ANK3: variants seen among roughly 807,000 people sequenced by gnomAD.
ANK3 encodes the protein ankyrin 3, also known as ankyrin-3.
A neutral mutation model predicts 370.9 loss-of-function variants in ANK3; 57 were observed. That is an observed-to-expected ratio of 0.15 (90% confidence interval 0.12 to 0.19). ANK3 has a LOEUF of 0.19. ANK3 is among the 10% of genes least tolerant of loss of function. ANK3 has a pLI of 1.00. For synonymous variants in ANK3, 1,929 were observed against 1,946.3 expected (o/e 0.99, Z 0.23); for missense variants, 4,439 against 5,302.1 (o/e 0.84, Z 5.06).
chr10:60,328,115 C>T (rs1251015656), intron 1 of ANK3, among the ~76,000 whole-genome samples: 1 of 152,206 alleles, frequency 6.6e-6, no homozygotes, highest in Admixed American at 6.5e-5. Context: ...GCTTGATTCA[C>T]TTAAACTAGA....
chr10:60,684,429 G>T, intron 1 of ANK3: 3 of 802,898 alleles, frequency 3.7e-6, no homozygotes, highest in East Asian at 3.1e-5. Flanking sequence ...TCTTATAGTT[G>T]GATCACCTAC....
intron 1 of ANK3, among the ~76,000 whole-genome samples, chr10:60,680,691 C>A (rs907546987): frequency 6.6e-6 from 1 of 152,110 alleles, no homozygotes; most frequent in South Asian, 2.1e-4. Context: ...GTCTTGATGG[C>A]GCCTCAAACT....
At chr10:60,301,136 A>G (rs1434444787) in intron 1 of ANK3, among the ~76,000 whole-genome samples, 2 of 148,004 alleles carry the variant, frequency 1.4e-5, no homozygotes, top group Non-Finnish European at 3.0e-5. Context: ...ATATATATAT[A>G]TATATATATG....
intron 1 of ANK3, among the ~76,000 whole-genome samples, chr10:60,731,821 C>T (rs1343530994): frequency 6.6e-6 from 1 of 152,176 alleles, no homozygotes; most frequent in Non-Finnish European, 1.5e-5. Context: ...CCATGTAACC[C>T]CAGGATGACT....
At chr10:60,698,942 T>C (rs1370178111) in intron 1 of ANK3, among the ~76,000 whole-genome samples, 1 of 150,612 alleles carries the variant, frequency 6.6e-6, no homozygotes, top group Admixed American at 6.6e-5. Flanking sequence ...AATAAATAAA[T>C]AAAACAGACT....
Position 60,076,342 on chromosome 10 carries a change from C to T in ANK3, c.4539G>A (p.Val1513=). Residue 1513 remains valine (V), a synonymous_variant, in exon 37 of 44, where the codon GTG becomes GTA. Transcript: ENST00000280772. ...YQSWTTAPIT[V]PGPAKSGFTS... is the part of the protein sequence containing the mutation. ...TGAAGCCTGACTTGGCTGGCCCAGG[C>T]ACTGTAATCGGAGCTGTTGTCCAGG... 1.2e-6 allele frequency: 2 copies of T among 1,614,018 alleles called. No individual in the cohort carries two copies. Among genetic ancestry groups the T allele is most frequent in the Non-Finnish European group, 1.7e-6 (2 of 1,179,972 alleles).
intron 2 of ANK3, among the ~76,000 whole-genome samples, chr10:60,448,100 G>A (rs1800478339): frequency 6.6e-6 from 1 of 152,236 alleles, no homozygotes; most frequent in African/African-American, 2.4e-5. Flanking sequence ...TCATACACCT[G>A]AGAATCCAGA....
At chr10:60,425,474 C>T (rs990844677) in intron 2 of ANK3, among the ~76,000 whole-genome samples, 2 of 152,080 alleles carry the variant, frequency 1.3e-5, no homozygotes, top group Admixed American at 1.3e-4. Context: ...GCAGTTATGG[C>T]CATTAGTAAG....
intron 1 of ANK3, among the ~76,000 whole-genome samples, chr10:60,640,142 A>G (rs563762771): frequency 1.3e-5 from 2 of 152,182 alleles, no homozygotes; most frequent in African/African-American, 4.8e-5. Flanking sequence ...TGTGGCAATA[A>G]TCAATAGCTT....
intron 2 of ANK3, among the ~76,000 whole-genome samples, chr10:60,452,452 AC>A (rs771139323): frequency 6.6e-6 from 1 of 152,156 alleles, no homozygotes; most frequent in African/African-American, 2.4e-5. Context: ...GCCTGGCCAT[AC>A]CCTTTTAGTA....
At chr10:60,238,882 A>G (rs1392906681) in intron 7 of ANK3, among the ~76,000 whole-genome samples, 1 of 152,030 alleles carries the variant, frequency 6.6e-6, no homozygotes, top group African/African-American at 2.4e-5. Context: ...TACACACAAT[A>G]TCCAGTGTTC....
In ANK3 at chr10:60,312,355, C is replaced by T. The variant is rs111613638; in HGVS notation, c.115-32716G>A. Among the ~76,000 whole-genome samples, 411 of 152,294 alleles carry T rather than the reference C, an allele frequency of 2.7e-3. 1 individual carries two copies. Among genetic ancestry groups the T allele is most frequent in the Non-Finnish European group, 4.5e-3 (308 of 68,014 alleles). ...CTGATGGATGGTGACTGGCACAGGG[C>T]TTGGCACAGTGAAAGCTCTTGATAA... On this transcript the variant is annotated intron_variant, in intron 1 of 43. Coordinates refer to ENST00000280772, the MANE Select transcript of ANK3 (RefSeq NM_020987.5).
chr10:60,369,435 A>G (rs1289357559), intron 1 of ANK3, among the ~76,000 whole-genome samples: 2 of 152,190 alleles, frequency 1.3e-5, no homozygotes, highest in Admixed American at 1.3e-4. Flanking sequence ...AAGAGGGACT[A>G]TGGGACTTCC....
At position 60,360,339 on chromosome 10, in the gene ANK3, G is replaced by A. The variant is rs1169412549; in HGVS notation, c.114+29086C>T. ...CAGCTAAAAGGTCAAGAAACTTACA[G>A]TGGGACATCTATTTCATTTTGTTTT... On this transcript the variant is annotated intron_variant, in intron 1 of 43. Transcript: ENST00000280772. 2.6e-5 allele frequency among the ~76,000 whole-genome samples: 4 copies of A among 152,202 alleles called. No individual in the cohort carries two copies. In the East Asian group the frequency reaches 7.7e-4, roughly 29 times the overall value.
At chr10:60,083,650 T>C in intron 32 of ANK3, 33 bp from the exon 33 acceptor site, 1 of 1,513,164 alleles carries the variant, frequency 6.6e-7, no homozygotes, top group Non-Finnish European at 9.0e-7. Context: ...CAATTTAATG[T>C]TAATCTGAGT....
Position 60,164,492 on chromosome 10 carries a change from G to GAA in ANK3, c.2614+2097_2614+2098dup, listed in dbSNP as rs72346571. 2.7e-4 allele frequency among the ~76,000 whole-genome samples: 34 copies of GAA among 125,450 alleles called. No homozygotes were observed. In the East Asian group the frequency reaches 6.3e-3, roughly 23 times the overall value. The allele number at this position is 125,450 out of a possible 152,430, so 82.3% of individuals were successfully genotyped here. A position where few individuals can be genotyped will look rare whatever the true frequency, so the allele number is the denominator to read the frequency against. On this transcript the variant is annotated intron_variant, in intron 23 of 43. Coordinates refer to ENST00000280772, the MANE Select transcript of ANK3 (RefSeq NM_020987.5). ...AGAAGGAGGTAGCAATGATATACCT[G>GAA]AAAAAAAAAAAAAACTAAAAAGAAA... is the stretch of plus-strand genomic sequence containing the variant.
At chr10:60,625,127 C>G (rs1177095976) in intron 1 of ANK3, among the ~76,000 whole-genome samples, 2 of 152,054 alleles carry the variant, frequency 1.3e-5, no homozygotes, top group African/African-American at 4.8e-5. Flanking sequence ...CCTCTTGGTA[C>G]CCTGAGCCAC....
chr10:60,184,909 AATACACTCTGAT>A (rs2096284944), intron 17 of ANK3, among the ~76,000 whole-genome samples: 1 of 152,208 alleles, frequency 6.6e-6, no homozygotes, highest in African/African-American at 2.4e-5. Flanking sequence ...CACAAGAGAA[AATACACTCTGAT>A]ACCAGCATGT....
intron 2 of ANK3, among the ~76,000 whole-genome samples, chr10:60,458,173 C>T (rs1023862275): frequency 6.6e-6 from 1 of 152,054 alleles, no homozygotes; most frequent in Non-Finnish European, 1.5e-5. Flanking sequence ...ATCTCTGACT[C>T]GGCATCCTGC....
Sources: gnomAD v4.1 joint callset for allele counts (sites outside exome capture counted in the v4.1 genomes callset) on GRCh38, gnomAD v4.1.1 for gene constraint, MANE v1.5 for transcripts, NCBI Gene and HGNC (gene_info 2026-07-23, HGNC 2026-07-21) for gene names.